Variants in CD82 observed in about 807,000 individuals in gnomAD.
The protein encoded by CD82 is CD82 molecule.
A neutral mutation model predicts 37.4 loss-of-function variants in CD82; 36 were observed. The ratio of observed to expected loss-of-function variants is 0.96; its 90% CI spans 0.74 to 1.27. The LOEUF (loss-of-function observed/expected upper bound fraction) is 1.27. Among genes scored for constraint, CD82 ranks in the 50% most tolerant of loss-of-function variants. CD82 has a pLI of 0.00. For missense variants in CD82, 340 were observed against 347.0 expected (o/e 0.98, Z 0.16); for synonymous variants, 158 against 137.4 (o/e 1.15, Z -1.05).
rs113611483 is a variant in CD82 at position 44,580,885 on chromosome 11, C to T, written c.-102-6590C>T. ...CCTCGAGGATGTGGCATTTCAGCAG[C>T]CCTGTGTCTACCTTCCTGAGCTCAG... On this transcript the variant is annotated intron_variant, in intron 1 of 9. Coordinates refer to ENST00000227155, the MANE Select transcript of CD82 (RefSeq NM_002231.4). Among the ~76,000 whole-genome samples the T allele has an allele frequency of 2.3e-3, 357 of 152,274 alleles. 2 individuals carry two copies. Among genetic ancestry groups the T allele is most frequent in the African/African-American group, 8.2e-3 (341 of 41,548 alleles).
intron 7 of CD82, 90 bp downstream of exon 7, chr11:44,615,463 T>A: frequency 1.3e-6 from 1 of 798,558 alleles, no homozygotes; most frequent in Non-Finnish European, 2.2e-6. Context: ...GACTGGCATC[T>A]GCAGTGCTCG....
intron 3 of CD82, among the ~76,000 whole-genome samples, chr11:44,598,434 C>T (rs919959659): frequency 2.9e-4 from 3 of 10,478 alleles, no homozygotes; most frequent in Admixed American, 1.4e-3. Context: ...TTTTTTGAGA[C>T]GGAGTCTCAC....
At chr11:44,603,345 T>A (rs1853335505) in intron 4 of CD82, among the ~76,000 whole-genome samples, 1 of 152,094 alleles carries the variant, frequency 6.6e-6, no homozygotes, top group Non-Finnish European at 1.5e-5. Flanking sequence ...TCCTCCAGTT[T>A]GATAGTTATT....
chr11:44,575,148 T>A (rs1169400620), intron 1 of CD82, among the ~76,000 whole-genome samples: 1 of 152,146 alleles, frequency 6.6e-6, no homozygotes, highest in Non-Finnish European at 1.5e-5. Flanking sequence ...CTAGTTGGCC[T>A]ACCCACAGGA....
chr11:44,598,113 A>G (rs558744542), intron 3 of CD82, among the ~76,000 whole-genome samples: 32 of 152,104 alleles, frequency 2.1e-4, no homozygotes, highest in Non-Finnish European at 4.1e-4. Flanking sequence ...AATGAGGTCA[A>G]TTACAAGGCC....
At chr11:44,594,828 G>T in intron 3 of CD82, 103 bp downstream of exon 3, 3 of 934,756 alleles carry the variant, frequency 3.2e-6, no homozygotes, top group Non-Finnish European at 5.3e-6. Context: ...GGGATTGGGG[G>T]GATTTGGTGG....
intron 6 of CD82, among the ~76,000 whole-genome samples, chr11:44,609,301 G>C (rs975456212): frequency 1.3e-5 from 2 of 152,340 alleles, no homozygotes; most frequent in South Asian, 4.1e-4. Flanking sequence ...GTTCTCTCTA[G>C]AGAGTGGAGG....
chr11:44,603,000 C>T (rs1274954842), intron 4 of CD82, among the ~76,000 whole-genome samples: 2 of 152,184 alleles, frequency 1.3e-5, no homozygotes, highest in African/African-American at 4.8e-5. Context: ...AGGCAGGATG[C>T]TTTGGATAAA....
intron 1 of CD82, among the ~76,000 whole-genome samples, chr11:44,569,159 C>T (rs992146173): frequency 5.3e-5 from 8 of 152,136 alleles, no homozygotes; most frequent in South Asian, 2.1e-4. Flanking sequence ...TCCACTAAGC[C>T]GGGGTCTGAG....
intron 1 of CD82, among the ~76,000 whole-genome samples, chr11:44,567,228 G>A (rs1185073950): frequency 6.6e-6 from 1 of 152,176 alleles, no homozygotes. Flanking sequence ...GTGGGCACCC[G>A]ATATCTAAGC....
At chr11:44,585,210 G>C (rs1423592479) in intron 1 of CD82, 1 of 456,144 alleles carries the variant, frequency 2.2e-6, no homozygotes, top group Non-Finnish European at 4.4e-6. Flanking sequence ...CACATGGCTA[G>C]AGACTGGATC....
intron 9 of CD82, 140 bp from the exon 10 acceptor site, chr11:44,618,909 C>G: frequency 1.2e-6 from 1 of 862,300 alleles, no homozygotes. Context: ...CTGGGCCTCC[C>G]TCTGCTGCCT....
chr11:44,564,525 T>G (rs1470386847), upstream of CD82: 2 of 456,162 alleles, frequency 4.4e-6, no homozygotes, highest in Non-Finnish European at 8.8e-6. Context: ...AGGCTAGTCC[T>G]CTGGAGCCTG....
rs1465113148 is a variant in CD82 at position 44,616,851 on chromosome 11, G to A, written c.439-1311G>A. 3.3e-5 allele frequency among the ~76,000 whole-genome samples: 5 copies of A among 152,252 alleles called. No individual in the cohort carries two copies. In the East Asian group the frequency reaches 9.6e-4, roughly 29 times the overall value. On this transcript the variant is annotated intron_variant, in intron 7 of 9. Coordinates refer to ENST00000227155, the MANE Select transcript of CD82 (RefSeq NM_002231.4). ...CTTGGAAGGAGGCTCTGTCGTAGAC[G>A]GGCCAAGGAGACCTGCCTCATTTTG...
At chr11:44,605,032 G>A (rs761496481) in intron 4 of CD82, 26 bp from the exon 5 acceptor site, 10 of 1,614,162 alleles carry the variant, frequency 6.2e-6, no homozygotes, top group Non-Finnish European at 7.6e-6. Flanking sequence ...TGTGCCCACT[G>A]ATTTTGTACT....
At chr11:44,575,019 C>T (rs1356615911) in intron 1 of CD82, among the ~76,000 whole-genome samples, 2 of 152,214 alleles carry the variant, frequency 1.3e-5, no homozygotes, top group East Asian at 3.8e-4. Flanking sequence ...CTAGAAGTGG[C>T]TTTCCAGCTC....
At chr11:44,616,370 T>C (rs146052135) in intron 7 of CD82, among the ~76,000 whole-genome samples, 107 of 152,262 alleles carry the variant, frequency 7.0e-4, no homozygotes, top group African/African-American at 2.5e-3. Flanking sequence ...CATATGTAGT[T>C]TGACCCACAA....
intron 7 of CD82, 133 bp from the exon 8 acceptor site, chr11:44,618,029 G>A: frequency 2.9e-6 from 2 of 687,600 alleles, no homozygotes; most frequent in Non-Finnish European, 5.0e-6. Flanking sequence ...AGTTTATGAT[G>A]GTTCGGCTGG....
At chr11:44,564,885 G>T (rs796945514), upstream of CD82, among the ~76,000 whole-genome samples, 5 of 152,330 alleles carry the variant, frequency 3.3e-5, no homozygotes, top group African/African-American at 1.2e-4. Context: ...CTTAAACTGC[G>T]CATTAGTAAA....
Sources: allele counts gnomAD v4.1 joint callset (sites outside exome capture counted in the v4.1 genomes callset), GRCh38; gene constraint gnomAD v4.1.1; transcripts MANE v1.5; gene names NCBI Gene and HGNC (gene_info 2026-07-23, HGNC 2026-07-21).